Variants in ZDHHC7 observed in about 807,000 individuals in gnomAD.
ZDHHC7 encodes the protein zDHHC palmitoyltransferase 7, also known as palmitoyltransferase ZDHHC7.
A neutral mutation model predicts 34.1 loss-of-function variants in ZDHHC7; 12 were observed. The observed-to-expected ratio is 0.35, with a 90% CI of 0.23 to 0.57. The LOEUF (loss-of-function observed/expected upper bound fraction) is 0.57, where lower values mean the gene tolerates loss of function less well. ZDHHC7 is among the 20% of genes least tolerant of loss of function. The probability of loss-of-function intolerance (pLI) is 0.84; values close to 1 mark genes in which losing one functional copy is unlikely to be tolerated. For missense variants in ZDHHC7, 388 were observed against 402.7 expected, an observed-to-expected ratio of 0.96 and a Z score of 0.31; for synonymous variants, 185 against 155.4, an observed-to-expected ratio of 1.19 and a Z score of -1.42.
chr16:85,004,127 A>G (rs1164858913), intron 1 of ZDHHC7, among the ~76,000 whole-genome samples: 4 of 151,578 alleles, frequency 2.6e-5, no homozygotes, highest in Non-Finnish European at 5.9e-5. Context: ...GGAGGGTCAA[A>G]GCAGAACCTC....
At chr16:84,983,505 G>T (rs1054053709) in intron 3 of ZDHHC7, among the ~76,000 whole-genome samples, 1 of 152,166 alleles carries the variant, frequency 6.6e-6, no homozygotes, top group Non-Finnish European at 1.5e-5. Flanking sequence ...CACAGGCAGG[G>T]GGGCCCCAGG....
chr16:85,011,671 T>C (rs374021843), upstream of ZDHHC7: 2 of 152,198 alleles, frequency 1.3e-5, no homozygotes, highest in African/African-American at 4.8e-5. Flanking sequence ...AGGCAGCTTT[T>C]AGTCACAGCC....
At chr16:85,023,222 A>G in the ZDHHC7 span, among the ~76,000 whole-genome samples, 2 of 147,080 alleles carry the variant, frequency 1.4e-5, no homozygotes, top group African/African-American at 5.1e-5. Context: ...GCTGGAGTGC[A>G]GTGGCGCAAT....
chr16:85,017,614 A>G, the ZDHHC7 span, among the ~76,000 whole-genome samples: 178 of 152,316 alleles, frequency 1.2e-3, 1 homozygote, highest in African/African-American at 4.1e-3. Flanking sequence ...ACTGTGCCAC[A>G]ACGACAATAC....
chr16:84,976,435 G>A lies in ZDHHC7; in HGVS notation c.835C>T (p.Pro279Ser). ...EGMKSVFGGP[P>S]SLLWMNPFVG... is the part of the protein sequence containing the mutation. ...AAGGGATTCATCCAGAGGAGTGAGG[G>A]GGGCCCCCCAAAGACGGACTTCATC... The change falls in exon 8 of 8, where the codon CCC (proline) becomes TCC (serine). Residue 279 changes from proline (P) to serine (S), a missense_variant. Transcript: ENST00000313732. 1.1e-5 allele frequency: 18 copies of A among 1,614,086 alleles called. No individual in the cohort carries two copies. The highest frequency in any genetic ancestry group is 1.5e-5 in the Non-Finnish European group (18 of 1,179,992).
chr16:84,989,705 A>AAAT (rs1216382338), intron 3 of ZDHHC7, among the ~76,000 whole-genome samples: 1 of 151,888 alleles, frequency 6.6e-6, no homozygotes, highest in Non-Finnish European at 1.5e-5. Context: ...AAAAAAAAAA[A>AAAT]AAAAAAAAAG....
intron 3 of ZDHHC7, among the ~76,000 whole-genome samples, chr16:84,982,931 T>C (rs2072389657): frequency 6.6e-6 from 1 of 152,220 alleles, no homozygotes; most frequent in Non-Finnish European, 1.5e-5. Flanking sequence ...GAGGACCCGC[T>C]GTAGGGAAGG....
At chr16:84,998,642 G>A (rs992143459) in intron 1 of ZDHHC7, among the ~76,000 whole-genome samples, 4 of 151,854 alleles carry the variant, frequency 2.6e-5, no homozygotes, top group Non-Finnish European at 5.9e-5. Context: ...CCGACTGCAA[G>A]ATCCCTCAGG....
At chr16:84,992,418 A>T (rs2072523133) in intron 2 of ZDHHC7, among the ~76,000 whole-genome samples, 1 of 152,192 alleles carries the variant, frequency 6.6e-6, no homozygotes, top group Non-Finnish European at 1.5e-5. Flanking sequence ...GGTTGCAGTG[A>T]GCCGAGATCG....
intron 3 of ZDHHC7, among the ~76,000 whole-genome samples, chr16:84,985,799 A>G (rs2072428468): frequency 6.6e-6 from 1 of 152,012 alleles, no homozygotes; most frequent in African/African-American, 2.4e-5. Flanking sequence ...TACTAAAAAT[A>G]CAAAAACTAG....
At chr16:84,988,661 G>A (rs1445425386) in intron 3 of ZDHHC7, 7 of 976,648 alleles carry the variant, frequency 7.2e-6, no homozygotes, top group South Asian at 4.3e-5. Context: ...GAGTCTGAGC[G>A]CAGAGGAGGA....
chr16:84,986,167 C>T (rs1006920648), intron 3 of ZDHHC7, among the ~76,000 whole-genome samples: 6 of 152,232 alleles, frequency 3.9e-5, no homozygotes, highest in South Asian at 4.2e-4. Flanking sequence ...ACGGCGTGGG[C>T]GAGGCCACCA....
intron 2 of ZDHHC7, among the ~76,000 whole-genome samples, chr16:84,994,129 C>G (rs138638457): frequency 6.6e-6 from 1 of 152,220 alleles, no homozygotes; most frequent in East Asian, 1.9e-4. Context: ...CTTGCAGGTC[C>G]GACCTCCCGG....
At chr16:84,985,465 G>A (rs376659428) in intron 3 of ZDHHC7, among the ~76,000 whole-genome samples, 30 of 152,314 alleles carry the variant, frequency 2.0e-4, no homozygotes, top group African/African-American at 5.5e-4. Flanking sequence ...TGCTGGGGAC[G>A]AGGAGCACAG....
chr16:84,992,889 C>A (rs552258118), intron 2 of ZDHHC7, among the ~76,000 whole-genome samples: 1 of 152,030 alleles, frequency 6.6e-6, no homozygotes, highest in East Asian at 1.9e-4. Flanking sequence ...AAACATTTGC[C>A]GAATGAACAT....
At chr16:85,014,590 C>T (rs985830029), upstream of ZDHHC7, among the ~76,000 whole-genome samples, 4 of 152,152 alleles carry the variant, frequency 2.6e-5, no homozygotes, top group African/African-American at 2.4e-5. Context: ...AGGGAGTTAA[C>T]CTACAGTGTA....
chr16:85,016,854 G>C, the ZDHHC7 span, among the ~76,000 whole-genome samples: 3 of 152,002 alleles, frequency 2.0e-5, no homozygotes, highest in Non-Finnish European at 4.4e-5. Flanking sequence ...GTGATATGTG[G>C]TCTTCTGCCA....
the ZDHHC7 span, among the ~76,000 whole-genome samples, chr16:85,017,269 A>T: frequency 3.3e-5 from 5 of 152,248 alleles, no homozygotes; most frequent in East Asian, 1.9e-4. Context: ...GAAAGTGCTC[A>T]TTCTCATTAG....
At chr16:84,987,698 G>C (rs2143619543) in intron 3 of ZDHHC7, among the ~76,000 whole-genome samples, 1 of 152,334 alleles carries the variant, frequency 6.6e-6, no homozygotes, top group East Asian at 1.9e-4. Context: ...AACTCGCCCA[G>C]ATGCCCATCA....
Sources: allele counts gnomAD v4.1 joint callset (sites outside exome capture counted in the v4.1 genomes callset), GRCh38; gene constraint gnomAD v4.1.1; transcripts MANE v1.5; gene names NCBI Gene and HGNC (gene_info 2026-07-23, HGNC 2026-07-21).